Variants in PTPRD observed in about 807,000 individuals in gnomAD.
PTPRD encodes protein tyrosine phosphatase receptor type D.
A neutral mutation model predicts 214.5 loss-of-function variants in PTPRD; 34 were observed. The observed-to-expected ratio is 0.16, with a 90% confidence interval of 0.12 to 0.21. The LOEUF (loss-of-function observed/expected upper bound fraction) is 0.21, where lower values mean the gene tolerates loss of function less well. Ranked by LOEUF, PTPRD falls within the 10% of genes least tolerant of loss-of-function variation. PTPRD has a pLI of 1.00. For missense variants in PTPRD, 2,545 were observed against 2,398.7 expected (o/e 1.06, Z -1.27); for synonymous variants, 1,128 against 845.7 (o/e 1.33, Z -5.79).
chr9:8,691,742 C>T (rs1019684434), intron 12 of PTPRD, among the ~76,000 whole-genome samples: 21 of 152,176 alleles, frequency 1.4e-4, no homozygotes, highest in African/African-American at 4.8e-4. Flanking sequence ...GTTATGACTT[C>T]CTTTCACATT....
intron 3 of PTPRD, among the ~76,000 whole-genome samples, chr9:10,268,529 C>T (rs1019347264): frequency 6.6e-6 from 1 of 152,050 alleles, no homozygotes; most frequent in Non-Finnish European, 1.5e-5. Context: ...TACCAAGTAA[C>T]TTTTGATCCT....
chr9:8,422,141 T>A (rs1376634098), intron 35 of PTPRD, among the ~76,000 whole-genome samples: 1 of 88,920 alleles, frequency 1.1e-5, no homozygotes, highest in Admixed American at 1.6e-4. Context: ...AGAGAGACCC[T>A]GTCTCCAAAA....
At chr9:10,023,548 G>A (rs2096864549) in intron 4 of PTPRD, among the ~76,000 whole-genome samples, 1 of 150,892 alleles carries the variant, frequency 6.6e-6, no homozygotes, top group Non-Finnish European at 1.5e-5. Flanking sequence ...ATATTCACTT[G>A]TTTTTTTCTT....
chr9:8,357,200 C>T (rs2077184241), intron 39 of PTPRD, among the ~76,000 whole-genome samples: 1 of 152,182 alleles, frequency 6.6e-6, no homozygotes. Flanking sequence ...TTTCTGGGGA[C>T]ACACCAACTC....
chr9:9,075,352 T>C (rs150110643), intron 10 of PTPRD, among the ~76,000 whole-genome samples: 1 of 152,182 alleles, frequency 6.6e-6, no homozygotes, highest in Non-Finnish European at 1.5e-5. Context: ...TTTTGTTGAC[T>C]GTAATCACCC....
chr9:9,767,467 C>G (rs1165745894), intron 5 of PTPRD, among the ~76,000 whole-genome samples: 1 of 151,858 alleles, frequency 6.6e-6, no homozygotes, highest in Non-Finnish European at 1.5e-5. Flanking sequence ...GTTGAAGCAC[C>G]AAATTTCTAT....
intron 2 of PTPRD, among the ~76,000 whole-genome samples, chr9:10,481,486 C>T (rs2099097496): frequency 6.6e-6 from 1 of 151,992 alleles, no homozygotes; most frequent in Non-Finnish European, 1.5e-5. Flanking sequence ...AGTAATGTAA[C>T]ATGAATCCTG....
chr9:8,386,669 C>T (rs1382520900), intron 37 of PTPRD, among the ~76,000 whole-genome samples: 1 of 152,142 alleles, frequency 6.6e-6, no homozygotes, highest in Non-Finnish European at 1.5e-5. Context: ...GCCCACAGAA[C>T]CCACCACGTT....
At chr9:9,017,024 T>A (rs1569417998) in intron 11 of PTPRD, among the ~76,000 whole-genome samples, 1 of 152,058 alleles carries the variant, frequency 6.6e-6, no homozygotes, top group Non-Finnish European at 1.5e-5. Context: ...CAATGTATGG[T>A]GGCCTAGTAG....
rs201030150 is a variant in PTPRD at position 8,557,447 on chromosome 9, T to TAC, written c.353-28669_353-28668insGT. 1.9e-4 allele frequency among the ~76,000 whole-genome samples: 27 copies of TAC among 140,934 alleles called. 2 individuals carry two copies. The highest frequency in any genetic ancestry group is 7.6e-4 in the African/African-American group (25 of 32,892). 92.5% of individuals were successfully genotyped at this position (140,934 alleles called of 152,430 possible). ...TCATTTGTAAATACATATATATATA[T>TAC]ATATATATATTTGGGCCGGGCGCGG... On this transcript the variant is annotated intron_variant, in intron 14 of 45. Coordinates refer to ENST00000381196, the MANE Select transcript of PTPRD (RefSeq NM_002839.4).
At chr9:9,302,104 C>G (rs1031578000) in intron 9 of PTPRD, among the ~76,000 whole-genome samples, 7 of 151,890 alleles carry the variant, frequency 4.6e-5, no homozygotes, top group African/African-American at 1.7e-4. Flanking sequence ...CAAGGGTTAT[C>G]TATATGGTTA....
chr9:10,330,779 T>C (rs981197117), intron 3 of PTPRD, among the ~76,000 whole-genome samples: 1 of 151,766 alleles, frequency 6.6e-6, no homozygotes. Context: ...GCTGACTTAA[T>C]ATAGGCAGAG....
intron 9 of PTPRD, among the ~76,000 whole-genome samples, chr9:9,348,791 G>A (rs1304822129): frequency 1.3e-5 from 2 of 152,024 alleles, no homozygotes; most frequent in South Asian, 2.1e-4. Context: ...GATTCACACG[G>A]ATTATAACAG....
intron 3 of PTPRD, among the ~76,000 whole-genome samples, chr9:10,114,638 G>A (rs1362900508): frequency 6.6e-6 from 1 of 151,892 alleles, no homozygotes; most frequent in Non-Finnish European, 1.5e-5. Flanking sequence ...TTGCAGATAT[G>A]AAATATAAGT....
chr9:10,239,034 GA>G (rs959045597), intron 3 of PTPRD, among the ~76,000 whole-genome samples: 2 of 151,830 alleles, frequency 1.3e-5, no homozygotes, highest in Admixed American at 1.3e-4. Context: ...GCAACAAGGG[GA>G]AAAAGAATCT....
intron 8 of PTPRD, among the ~76,000 whole-genome samples, chr9:9,476,212 T>C (rs10759078): frequency 0.7 from 106,673 of 151,942 alleles, 37,486 homozygotes; most frequent in South Asian, 0.73. Flanking sequence ...AGTGTGTCTA[T>C]CTCTTCTTGA....
chr9:8,976,646 C>T (rs527443537), intron 11 of PTPRD, among the ~76,000 whole-genome samples: 1 of 152,014 alleles, frequency 6.6e-6, no homozygotes, highest in Non-Finnish European at 1.5e-5. Flanking sequence ...TGTGTTCTTT[C>T]TTTTTCTGTA....
At chr9:10,510,505 T>C (rs1251436196) in intron 2 of PTPRD, among the ~76,000 whole-genome samples, 1 of 152,178 alleles carries the variant, frequency 6.6e-6, no homozygotes, top group Non-Finnish European at 1.5e-5. Context: ...TAAATAGGGA[T>C]TATGCAAAAT....
chr9:8,722,248 G>A (rs2098508472), intron 12 of PTPRD, among the ~76,000 whole-genome samples: 2 of 151,986 alleles, frequency 1.3e-5, no homozygotes, highest in African/African-American at 4.8e-5. Context: ...AGGAGCCTGT[G>A]AGAGCTGTGA....
Sources: gnomAD v4.1 joint callset for allele counts (sites outside exome capture counted in the v4.1 genomes callset) on GRCh38, gnomAD v4.1.1 for gene constraint, MANE v1.5 for transcripts, NCBI Gene and HGNC (gene_info 2026-07-23, HGNC 2026-07-21) for gene names.